CHD9: variants seen among roughly 807,000 people sequenced by gnomAD.
CHD9 encodes the protein ATP-dependent chromatin remodeler CHD9.
A neutral mutation model predicts 316.1 loss-of-function variants in CHD9; 77 were observed. The observed-to-expected ratio is 0.24, with a 90% confidence interval of 0.20 to 0.29. The LOEUF is 0.29. CHD9 is among the 10% of genes least tolerant of loss of function. The pLI, the probability that CHD9 is intolerant of heterozygous loss-of-function variation, is 1.00. For synonymous variants in CHD9, 1,129 were observed against 1,158.3 expected (o/e 0.97, Z 0.51); for missense variants, 2,763 against 3,438.1 (o/e 0.80, Z 4.91).
intron 24 of CHD9, among the ~76,000 whole-genome samples, chr16:53,279,375 G>C (rs186920518): frequency 1.0e-3 from 154 of 152,232 alleles, no homozygotes; most frequent in African/African-American, 3.5e-3. Context: ...TGGGGGGTAA[G>C]GGGGAGGGAT....
intron 2 of CHD9, among the ~76,000 whole-genome samples, chr16:53,194,293 C>T (rs1241428439): frequency 1.3e-5 from 2 of 151,934 alleles, no homozygotes; most frequent in Non-Finnish European, 2.9e-5. Flanking sequence ...AAGTAAACCC[C>T]GAGGCTGGGT....
chr16:53,292,585 C>G (rs1318723675), intron 28 of CHD9, among the ~76,000 whole-genome samples: 1 of 152,118 alleles, frequency 6.6e-6, no homozygotes, highest in African/African-American at 2.4e-5. Context: ...TGATATATAC[C>G]TAGACATGCA....
At chr16:53,125,592 T>C (rs940861309) in intron 1 of CHD9, among the ~76,000 whole-genome samples, 2 of 152,088 alleles carry the variant, frequency 1.3e-5, no homozygotes, top group East Asian at 1.9e-4. Flanking sequence ...TCAGTAGAAA[T>C]TGTACTTTGA....
chr16:53,111,380 C>G (rs759737905), intron 1 of CHD9, among the ~76,000 whole-genome samples: 1 of 152,064 alleles, frequency 6.6e-6, no homozygotes, highest in South Asian at 2.1e-4. Context: ...CAGGGTTCTT[C>G]TGCCAAAAAA....
At chr16:53,280,488 TAAGA>T (rs1311638003) in intron 24 of CHD9, among the ~76,000 whole-genome samples, 4 of 151,366 alleles carry the variant, frequency 2.6e-5, no homozygotes, top group Non-Finnish European at 4.4e-5. Flanking sequence ...TGCAAAGACA[TAAGA>T]AAGACAGTAC....
At chr16:53,180,218 G>C (rs1217176090) in intron 2 of CHD9, among the ~76,000 whole-genome samples, 1 of 151,918 alleles carries the variant, frequency 6.6e-6, no homozygotes, top group African/African-American at 2.4e-5. Flanking sequence ...TGTTAGCCAG[G>C]CTGGCCTCGA....
rs570511797 is a variant in CHD9, at chr16:53,278,853, G to A, written c.4967+4551G>A. ...AGAATGGCGATCATTAAAAAGTCAG[G>A]AAACAACAGGTGCTGGAGAGGATGT... On this transcript the variant is annotated intron_variant, in intron 24 of 38. Coordinates refer to ENST00000447540, the MANE Select transcript of CHD9 (RefSeq NM_001308319.2). 3.2e-3 allele frequency among the ~76,000 whole-genome samples: 485 copies of A among 152,218 alleles called. 2 individuals carry two copies. The highest frequency in any genetic ancestry group is 5.3e-3 in the Non-Finnish European group (360 of 68,006).
At chr16:53,204,107 TTCTTTA>T (rs61543165) in intron 2 of CHD9, among the ~76,000 whole-genome samples, 6,115 of 140,260 alleles carry the variant, frequency 0.044, 460 homozygotes, top group African/African-American at 0.16. Flanking sequence ...AGTAGAATGT[TTCTTTA>T]TCTAGATAAC....
chr16:53,199,115 G>A (rs2152843476), intron 2 of CHD9, among the ~76,000 whole-genome samples: 1 of 151,890 alleles, frequency 6.6e-6, no homozygotes, highest in South Asian at 2.1e-4. Context: ...CCAGCTACAA[G>A]TTCTGGGGGT....
chr16:53,089,288 A>AAAAAC (rs1248609840), intron 1 of CHD9, among the ~76,000 whole-genome samples: 1 of 152,190 alleles, frequency 6.6e-6, no homozygotes, highest in Non-Finnish European at 1.5e-5. Context: ...ACTGTCTCAA[A>AAAAAC]AAAACAAAAC....
At position 53,123,171 on chromosome 16, in the gene CHD9, CT is replaced by C. The variant is rs61290396; in HGVS notation, c.-164-32741del. 4.0e-3 allele frequency among the ~76,000 whole-genome samples: 576 copies of C among 143,782 alleles called. 3 individuals carry two copies. The highest frequency in any genetic ancestry group is 6.3e-3 in the African/African-American group (250 of 39,438). The allele number at this position is 143,782 out of a possible 152,430, so 94.3% of individuals were successfully genotyped here. ...AGCCACCACGCCCGGCCTGGAATCA[CT>C]TTTTTTTTTTTTTAACCAGCTTTAT... On this transcript the variant is annotated intron_variant, in intron 1 of 38. Transcript: ENST00000447540.
chr16:53,261,658 G>A (rs747813119), intron 19 of CHD9, among the ~76,000 whole-genome samples: 1 of 152,052 alleles, frequency 6.6e-6, no homozygotes, highest in African/African-American at 2.4e-5. Flanking sequence ...ATTTACAGAC[G>A]TGAGCCACCA....
chr16:53,180,053 G>A (rs2043379749), intron 2 of CHD9, among the ~76,000 whole-genome samples: 1 of 141,442 alleles, frequency 7.1e-6, no homozygotes, highest in African/African-American at 2.6e-5. Flanking sequence ...TTGAGACTGA[G>A]TCTTGCTCTG....
chr16:53,131,636 C>A (rs1200044148), intron 1 of CHD9, among the ~76,000 whole-genome samples: 1 of 151,798 alleles, frequency 6.6e-6, no homozygotes, highest in Middle Eastern at 3.2e-3. Flanking sequence ...CCCTCTTCCC[C>A]GTCCCGCGCG....
chr16:53,108,542 A>G (rs1036009226), intron 1 of CHD9, among the ~76,000 whole-genome samples: 1 of 151,834 alleles, frequency 6.6e-6, no homozygotes, highest in Admixed American at 6.6e-5. Flanking sequence ...ATAGATAGAT[A>G]GATAGATAGA....
At chr16:53,120,860 G>A (rs892261537) in intron 1 of CHD9, among the ~76,000 whole-genome samples, 14 of 151,930 alleles carry the variant, frequency 9.2e-5, no homozygotes, top group African/African-American at 3.4e-4. Context: ...CAAAAAATTA[G>A]CTGGGTGTGG....
At chr16:53,066,849 CTT>C (rs1180241682) in intron 1 of CHD9, among the ~76,000 whole-genome samples, 1 of 152,088 alleles carries the variant, frequency 6.6e-6, no homozygotes, top group African/African-American at 2.4e-5. Flanking sequence ...TTTTGAAAGA[CTT>C]TATATATTTT....
chr16:53,146,419 G>GTGTATATATATATATATATATA (rs1555492145), intron 1 of CHD9, among the ~76,000 whole-genome samples: 8 of 76,706 alleles, frequency 1.0e-4, no homozygotes, highest in African/African-American at 4.1e-4. Context: ...GTGTGTGTAT[G>GTGTATATATATATATATATATA]TATATATATA....
At chr16:53,266,011 G>C (rs1029615021) in intron 20 of CHD9, among the ~76,000 whole-genome samples, 2 of 150,270 alleles carry the variant, frequency 1.3e-5, no homozygotes, top group Non-Finnish European at 3.0e-5. Context: ...AGGGGAAAAA[G>C]AGGAAAAGGG....
Sources: gnomAD v4.1 joint callset for allele counts (sites outside exome capture counted in the v4.1 genomes callset) on GRCh38, gnomAD v4.1.1 for gene constraint, MANE v1.5 for transcripts, NCBI Gene and HGNC (gene_info 2026-07-23, HGNC 2026-07-21) for gene names.